MYO3A: variants seen among roughly 807,000 people sequenced by gnomAD.
MYO3A encodes the protein myosin IIIA, also known as myosin-IIIa.
In MYO3A, 180 loss-of-function variants were observed where a neutral mutation model predicts 192.7. That is an observed-to-expected ratio of 0.93 (90% CI 0.83 to 1.06). The LOEUF is 1.06. Ranked by LOEUF, MYO3A falls within the 50% of genes least tolerant of loss-of-function variation. MYO3A has a pLI of 0.00. For synonymous variants in MYO3A, 628 were observed against 645.3 expected (o/e 0.97, Z 0.41); for missense variants, 1,896 against 1,905.0 (o/e 1.00, Z 0.09).
intron 32 of MYO3A, among the ~76,000 whole-genome samples, chr10:26,195,217 T>C (rs2132164287): frequency 6.6e-6 from 1 of 152,326 alleles, no homozygotes; most frequent in East Asian, 1.9e-4. Flanking sequence ...AGTCAACTAA[T>C]TTTACAAACC....
chr10:26,211,180 G>C (rs1395550182), intron 34 of MYO3A, among the ~76,000 whole-genome samples: 31 of 152,202 alleles, frequency 2.0e-4, no homozygotes, highest in South Asian at 2.1e-4. Context: ...ATGAATGAAT[G>C]AATCAATGGG....
At chr10:26,084,808 G>A (rs1836204347) in intron 14 of MYO3A, among the ~76,000 whole-genome samples, 2 of 152,326 alleles carry the variant, frequency 1.3e-5, no homozygotes, top group East Asian at 1.9e-4. Context: ...GCCTGGCCTA[G>A]CTCTACTTTT....
chr10:26,044,094 G>T (rs1421394747), intron 10 of MYO3A, among the ~76,000 whole-genome samples: 2 of 152,164 alleles, frequency 1.3e-5, no homozygotes, highest in African/African-American at 4.8e-5. Context: ...CCCAGGTTGA[G>T]TCTAGACATG....
At chr10:26,105,696 A>C (rs1276369585) in intron 17 of MYO3A, among the ~76,000 whole-genome samples, 4 of 152,000 alleles carry the variant, frequency 2.6e-5, no homozygotes. Context: ...TGAAGTTCTA[A>C]ATTTTCGTTT....
At chr10:26,083,798 C>G (rs10764597) in intron 14 of MYO3A, among the ~76,000 whole-genome samples, 104,356 of 152,060 alleles carry the variant, frequency 0.69, 35,984 homozygotes, top group Middle Eastern at 0.76. Flanking sequence ...GTCTTCTCAA[C>G]GTAAAGAAAC....
At chr10:26,199,032 A>T (rs1427382714) in intron 32 of MYO3A, among the ~76,000 whole-genome samples, 1 of 152,162 alleles carries the variant, frequency 6.6e-6, no homozygotes, top group African/African-American at 2.4e-5. Flanking sequence ...TTCCCTTTTC[A>T]TGACAAAGGG....
chr10:25,992,135 C>CT (rs779749072), intron 4 of MYO3A, among the ~76,000 whole-genome samples: 6,562 of 138,456 alleles, frequency 0.047, 180 homozygotes, highest in Middle Eastern at 0.07. Context: ...ATTGATTCTT[C>CT]CTACCCATGA....
intron 31 of MYO3A, among the ~76,000 whole-genome samples, chr10:26,183,970 C>A (rs567830995): frequency 1.2e-4 from 19 of 152,280 alleles, no homozygotes; most frequent in Admixed American, 3.9e-4. Flanking sequence ...CCTGTAATCC[C>A]AGCTACTCGG....
intron 4 of MYO3A, among the ~76,000 whole-genome samples, chr10:25,982,593 A>G (rs533007360): frequency 6.6e-6 from 1 of 152,294 alleles, no homozygotes; most frequent in Non-Finnish European, 1.5e-5. Flanking sequence ...CAGCTGCAAG[A>G]CCTGAAGATG....
At chr10:25,999,078 T>C (rs1406039990) in intron 6 of MYO3A, among the ~76,000 whole-genome samples, 1 of 152,068 alleles carries the variant, frequency 6.6e-6, no homozygotes, top group African/African-American at 2.4e-5. Flanking sequence ...TTTGTATTTT[T>C]TAATAGAGAC....
chr10:26,211,794 C>A, intron 34 of MYO3A, 49 bp from the exon 35 acceptor site: 2 of 1,611,044 alleles, frequency 1.2e-6, no homozygotes, highest in Non-Finnish European at 1.7e-6. Context: ...TGGGGACGCG[C>A]TGCTCACTGT....
chr10:26,029,613 C>T (rs998644861), intron 10 of MYO3A, among the ~76,000 whole-genome samples: 1 of 152,038 alleles, frequency 6.6e-6, no homozygotes, highest in Non-Finnish European at 1.5e-5. Flanking sequence ...TAATTTCTTA[C>T]TTGGTGAGTG....
chr10:26,120,666 T>C lies in MYO3A; in HGVS notation c.1777-10T>C. On this transcript the variant is annotated splice_polypyrimidine_tract_variant and intron_variant, in intron 17 of 34. Transcript: ENST00000642920. ...AAGAATGATGCCAATGTTTCTGTGG[T>C]GTGTTTCAGCAACTTGGTAGTATAT... The C allele has an allele frequency of 6.2e-7, 1 of 1,613,934 alleles. No individual in the cohort carries two copies. The highest frequency in any genetic ancestry group is 1.1e-5 in the South Asian group (1 of 91,074).
At chr10:26,102,738 T>A (rs1425862693) in intron 17 of MYO3A, among the ~76,000 whole-genome samples, 1 of 152,234 alleles carries the variant, frequency 6.6e-6, no homozygotes, top group African/African-American at 2.4e-5. Flanking sequence ...TGGCAAATAT[T>A]GCTGCCTGAT....
intron 4 of MYO3A, among the ~76,000 whole-genome samples, chr10:25,955,552 C>T (rs758093516): frequency 6.6e-6 from 1 of 152,142 alleles, no homozygotes; most frequent in Non-Finnish European, 1.5e-5. Context: ...AGTGTCTGCC[C>T]TTTCCAATCC....
chr10:26,012,676 T>C (rs1021502882), intron 6 of MYO3A, among the ~76,000 whole-genome samples: 1 of 152,166 alleles, frequency 6.6e-6, no homozygotes, highest in Non-Finnish European at 1.5e-5. Context: ...TGAAGCAATC[T>C]ACACATTCAA....
chr10:26,051,914 T>C (rs1844028931), intron 10 of MYO3A, among the ~76,000 whole-genome samples: 1 of 152,134 alleles, frequency 6.6e-6, no homozygotes, highest in Non-Finnish European at 1.5e-5. Context: ...ATCTGATCCT[T>C]TACATAAAAT....
intron 33 of MYO3A, among the ~76,000 whole-genome samples, chr10:26,202,483 A>C (rs1843721214): frequency 1.3e-5 from 2 of 152,256 alleles, no homozygotes. Flanking sequence ...AATCCGCTAA[A>C]GAACAGAGTA....
intron 17 of MYO3A, among the ~76,000 whole-genome samples, chr10:26,120,371 A>G (rs948809059): frequency 6.6e-6 from 1 of 152,218 alleles, no homozygotes; most frequent in East Asian, 1.9e-4. Flanking sequence ...TCTATGGCCT[A>G]ATGAATGAGG....
Sources: gnomAD v4.1 joint callset for allele counts (sites outside exome capture counted in the v4.1 genomes callset) on GRCh38, gnomAD v4.1.1 for gene constraint, MANE v1.5 for transcripts, NCBI Gene and HGNC (gene_info 2026-07-23, HGNC 2026-07-21) for gene names.